The following ME3 variants were observed in gnomAD, a reference collection of about 807,000 sequenced individuals.
ME3 encodes malic enzyme 3.
Under a neutral mutation model 68.9 loss-of-function variants are expected in ME3, and 48 were observed. That is an observed-to-expected ratio of 0.70 (90% CI 0.55 to 0.89). The LOEUF is 0.89. ME3 is among the 40% of genes least tolerant of loss of function. ME3 has a pLI of 0.00. For synonymous variants in ME3, 320 were observed against 318.8 expected (o/e 1.00, Z -0.04); for missense variants, 675 against 797.4 (o/e 0.85, Z 1.85).
intron 2 of ME3, among the ~76,000 whole-genome samples, chr11:86,579,416 C>T (rs1958305347): frequency 1.3e-5 from 2 of 152,136 alleles, no homozygotes; most frequent in Admixed American, 6.6e-5. Flanking sequence ...GCCATGTGAT[C>T]ACAGGGAACT....
chr11:86,656,344 C>A (rs926455338), intron 2 of ME3, among the ~76,000 whole-genome samples: 1 of 151,666 alleles, frequency 6.6e-6, no homozygotes, highest in African/African-American at 2.4e-5. Flanking sequence ...GACTTGGAAC[C>A]AACCCAAATG....
At chr11:86,602,800 T>C (rs1960934748) in intron 2 of ME3, among the ~76,000 whole-genome samples, 2 of 152,034 alleles carry the variant, frequency 1.3e-5, no homozygotes, top group African/African-American at 4.8e-5. Context: ...ACGCCACATA[T>C]CTACAACTAT....
chr11:86,614,662 G>A (rs1942829305), intron 2 of ME3, among the ~76,000 whole-genome samples: 1 of 152,078 alleles, frequency 6.6e-6, no homozygotes, highest in African/African-American at 2.4e-5. Context: ...CACCAACCAG[G>A]TGCCTATGGA....
chr11:86,598,608 A>G (rs1959991212), intron 2 of ME3, among the ~76,000 whole-genome samples: 1 of 152,074 alleles, frequency 6.6e-6, no homozygotes, highest in Non-Finnish European at 1.5e-5. Flanking sequence ...TGGTTCTCCC[A>G]GCATGCAGCT....
chr11:86,605,198 T>C (rs1179998400), intron 2 of ME3, among the ~76,000 whole-genome samples: 1 of 152,252 alleles, frequency 6.6e-6, no homozygotes, highest in African/African-American at 2.4e-5. Flanking sequence ...TTTTTATGCC[T>C]GATTAATATT....
chr11:86,488,425 C>T (rs1307059994), intron 6 of ME3, among the ~76,000 whole-genome samples: 2 of 152,112 alleles, frequency 1.3e-5, no homozygotes, highest in South Asian at 4.2e-4. Flanking sequence ...TGAAATCTTA[C>T]TGAATACCTA....
At position 86,537,001 on chromosome 11, in the gene ME3, T is replaced by C. The variant is rs528154838; in HGVS notation, c.467+19552A>G. On this transcript the variant is annotated intron_variant, in intron 4 of 14. Transcript: ENST00000543262. ...GTCCTTTGTAGGGACATGGATGAAA[T>C]TGGAAATCATCATTCTCAGTAAACT... 3.9e-3 allele frequency among the ~76,000 whole-genome samples: 590 copies of C among 151,490 alleles called. 4 individuals carry two copies. Among genetic ancestry groups the C allele is most frequent in the Non-Finnish European group, 6.5e-3 (444 of 67,882 alleles).
intron 4 of ME3, among the ~76,000 whole-genome samples, chr11:86,518,336 TGA>T (rs1954033519): frequency 6.6e-6 from 1 of 152,158 alleles, no homozygotes; most frequent in Non-Finnish European, 1.5e-5. Context: ...GCCCTTATCA[TGA>T]GAGACTTGGA....
intron 4 of ME3, among the ~76,000 whole-genome samples, chr11:86,531,845 A>C (rs1374258783): frequency 7.5e-5 from 9 of 120,526 alleles, no homozygotes; most frequent in Non-Finnish European, 1.5e-4. Context: ...GGGAGGGGGG[A>C]GGCATAGCAC....
intron 2 of ME3, among the ~76,000 whole-genome samples, chr11:86,632,095 C>G (rs1457111139): frequency 6.6e-6 from 1 of 152,214 alleles, no homozygotes; most frequent in Non-Finnish European, 1.5e-5. Flanking sequence ...CTTAAAGAGG[C>G]TAAGTACCTT....
intron 4 of ME3, among the ~76,000 whole-genome samples, chr11:86,539,171 C>T (rs1717195380): frequency 6.6e-6 from 1 of 152,120 alleles, no homozygotes; most frequent in South Asian, 2.1e-4. Flanking sequence ...CACTCCCAAT[C>T]CTGAGAGTCT....
intron 4 of ME3, among the ~76,000 whole-genome samples, chr11:86,524,616 G>C (rs1954589835): frequency 6.6e-6 from 1 of 152,202 alleles, no homozygotes; most frequent in African/African-American, 2.4e-5. Context: ...ATTTGTAAGT[G>C]GAAGACCCCA....
chr11:86,604,718 AGT>A (rs138385466), intron 2 of ME3, among the ~76,000 whole-genome samples: 5,475 of 152,296 alleles, frequency 0.036, 129 homozygotes, highest in Non-Finnish European at 0.054. Context: ...AGGTATAGAA[AGT>A]GTGAGTAATT....
intron 7 of ME3, among the ~76,000 whole-genome samples, chr11:86,467,139 C>A (rs370213821): frequency 6.6e-6 from 1 of 152,216 alleles, no homozygotes; most frequent in South Asian, 2.1e-4. Context: ...TTACCACATC[C>A]ATCACCCCAT....
intron 4 of ME3, among the ~76,000 whole-genome samples, chr11:86,535,183 G>T (rs1955566608): frequency 6.6e-6 from 1 of 152,122 alleles, no homozygotes; most frequent in Non-Finnish European, 1.5e-5. Flanking sequence ...CTAGTAAAAG[G>T]TAATTTTCTC....
At chr11:86,492,466 G>A (rs1024255867) in intron 6 of ME3, among the ~76,000 whole-genome samples, 19 of 152,338 alleles carry the variant, frequency 1.2e-4, no homozygotes, top group African/African-American at 4.1e-4. Context: ...CAGAAATCAT[G>A]GTTTCTAGAC....
Position 86,545,406 on chromosome 11 carries a change from T to A in ME3, c.467+11147A>T, listed in dbSNP as rs904584137. The stretch of plus-strand genomic sequence containing the variant: ...CTCTGTTTGCAAATAACATGGTGTA[T>A]ATTTAGAAAACCCCATCATCTCAGC... On this transcript the variant is annotated intron_variant, in intron 4 of 14. Transcript: ENST00000543262. Among the ~76,000 whole-genome samples, 7 of 152,208 alleles carry A rather than the reference T, an allele frequency of 4.6e-5. 1 individual carries two copies. The highest frequency in any genetic ancestry group is 1.0e-4 in the Non-Finnish European group (7 of 68,034).
intron 4 of ME3, among the ~76,000 whole-genome samples, chr11:86,529,336 A>G (rs1355647355): frequency 6.6e-6 from 1 of 152,208 alleles, no homozygotes; most frequent in Non-Finnish European, 1.5e-5. Context: ...ATGGACCAAT[A>G]ACAGGCTCTG....
At chr11:86,645,164 G>C (rs1211801994) in intron 2 of ME3, among the ~76,000 whole-genome samples, 1 of 152,162 alleles carries the variant, frequency 6.6e-6, no homozygotes, top group Non-Finnish European at 1.5e-5. Flanking sequence ...CTAGCTGCAG[G>C]AGTATTTTTT....
Sources: allele counts gnomAD v4.1 joint callset (sites outside exome capture counted in the v4.1 genomes callset), GRCh38; gene constraint gnomAD v4.1.1; transcripts MANE v1.5; gene names NCBI Gene and HGNC (gene_info 2026-07-23, HGNC 2026-07-21).